LRRC27: variants seen among roughly 807,000 people sequenced by gnomAD.
The protein encoded by LRRC27 is leucine rich repeat containing 27, also known as leucine-rich repeat-containing protein 27.
In LRRC27, 57 loss-of-function variants were observed where a neutral mutation model predicts 55.0. The observed-to-expected ratio is 1.04, with a 90% CI of 0.84 to 1.29. LRRC27 has a LOEUF of 1.29. Ranked by LOEUF, LRRC27 falls within the 50% of genes most tolerant of loss-of-function variation. LRRC27 has a pLI of 0.00. For missense variants in LRRC27, 721 were observed against 651.5 expected, an observed-to-expected ratio of 1.11 and a Z score of -1.16; for synonymous variants, 278 against 251.9, an observed-to-expected ratio of 1.10 and a Z score of -0.98.
intron 2 of LRRC27, among the ~76,000 whole-genome samples, chr10:132,334,119 A>C (rs1470454841): frequency 6.6e-6 from 1 of 152,240 alleles, no homozygotes; most frequent in African/African-American, 2.4e-5. Context: ...CTCATGTTAC[A>C]CACTGGTTTT....
intron 8 of LRRC27, among the ~76,000 whole-genome samples, chr10:132,358,354 GTGGAGCAGCGTGGGGAGGAGCCGAGGTGA>G (rs1590690472): frequency 6.5e-5 from 7 of 106,912 alleles, no homozygotes; most frequent in African/African-American, 1.3e-4. Context: ...AGCCGAGGTG[GTGGAGCAGCGTGGGGAGGAGCCGAGGTGA>G]TGGAGCAGCG....
At position 132,348,925 on chromosome 10, in the gene LRRC27, GT is replaced by G. The variant is rs1187588851; in HGVS notation, c.926+572del. 1 of 1,499,418 alleles carries G rather than the reference GT, an allele frequency of 6.7e-7. No individual in the cohort carries two copies. The highest frequency in any genetic ancestry group is 9.1e-7 in the Non-Finnish European group (1 of 1,096,404). The allele number at this position is 1,499,418 out of a possible 1,614,324, so 92.9% of individuals were successfully genotyped here. On this transcript the variant is annotated intron_variant, in intron 6 of 10. Transcript: ENST00000368614. The surrounding 1 kb of genome is among the most constrained non-coding windows in gnomAD (Gnocchi z 4.2). Reference sequence around the variant, plus strand: ...CTTGCCTTTGCCTTTGGTACAGTGAGTTTGGGGGCCGAGATTTTATTTTCCT... The same window carrying G: ...CTTGCCTTTGCCTTTGGTACAGTGAGTTGGGGGCCGAGATTTTATTTTCCT...
chr10:132,349,159 A>G, intron 6 of LRRC27: 1 of 820,712 alleles, frequency 1.2e-6, no homozygotes, highest in South Asian at 1.6e-5. Flanking sequence ...CAATTGGTGA[A>G]TCTAGATCAT....
At position 132,361,589 on chromosome 10, in the gene LRRC27, A is replaced by G. The variant is rs776688466; in HGVS notation, c.1289+14A>G. 25 of 1,579,202 alleles carry G rather than the reference A, an allele frequency of 1.6e-5. No homozygotes were observed. The highest frequency in any genetic ancestry group is 5.0e-5 in the Admixed American group (3 of 59,902). On this transcript the variant is annotated intron_variant, in intron 9 of 10. Coordinates refer to ENST00000368614, the MANE Select transcript of LRRC27 (RefSeq NM_030626.3). ...TAAAGAAATGAGGTTGGTAACTGCA[A>G]CTGGCACTCAGTCCTTCCAGGGCTC...
chr10:132,360,994 C>G (rs1395134670), intron 8 of LRRC27, among the ~76,000 whole-genome samples: 1 of 152,194 alleles, frequency 6.6e-6, no homozygotes, highest in East Asian at 1.9e-4. Flanking sequence ...CTAGCCTCCT[C>G]CTGCCTAGGT....
rs375143983 is a variant in LRRC27, at chr10:132,364,342, A to G, written c.1290-1082A>G. On this transcript the variant is annotated intron_variant, in intron 9 of 10. Coordinates refer to ENST00000368614, the MANE Select transcript of LRRC27 (RefSeq NM_030626.3). ...ACACCACACCCATGACCACACCCAC[A>G]CTTAATCTACCTCCACACCCGCGCT... Among the ~76,000 whole-genome samples, 118 of 24,204 alleles carry G rather than the reference A, an allele frequency of 4.9e-3. 15 individuals carry two copies. The highest frequency in any genetic ancestry group is 0.015 in the Middle Eastern group (1 of 66). The allele number at this position is 24,204 out of a possible 152,430, so 15.9% of individuals were successfully genotyped here. A position where few individuals can be genotyped will look rare whatever the true frequency, so the allele number is the denominator to read the frequency against.
chr10:132,343,325 A>T (rs1471735582), intron 4 of LRRC27, among the ~76,000 whole-genome samples: 1 of 152,124 alleles, frequency 6.6e-6, no homozygotes, highest in Admixed American at 6.6e-5. Context: ...TAAAAACAAA[A>T]CAACAACAAC....
At chr10:132,347,944 C>T (rs763267056) in intron 5 of LRRC27, 40 bp from the exon 6 acceptor site, 33 of 1,543,832 alleles carry the variant, frequency 2.1e-5, no homozygotes, top group Non-Finnish European at 2.7e-5. Flanking sequence ...AGAGGGATGG[C>T]GTTGATGGTA....
At chr10:132,333,227 C>T (rs1465775443) in intron 1 of LRRC27, among the ~76,000 whole-genome samples, 2 of 152,080 alleles carry the variant, frequency 1.3e-5, no homozygotes, top group East Asian at 3.8e-4. Context: ...TACTATTGTG[C>T]GCCTTTGCGT....
chr10:132,355,235 C>A (rs1200605350), intron 7 of LRRC27, among the ~76,000 whole-genome samples: 1 of 152,152 alleles, frequency 6.6e-6, no homozygotes, highest in African/African-American at 2.4e-5. Context: ...ACCACTACAC[C>A]CGGCTAATTT....
upstream of LRRC27, among the ~76,000 whole-genome samples, chr10:132,331,061 C>G (rs1044338282): frequency 6.6e-6 from 1 of 151,034 alleles, no homozygotes; most frequent in Non-Finnish European, 1.5e-5. Context: ...ATTAGCTGGA[C>G]GTGGTGGCGC....
intron 2 of LRRC27, among the ~76,000 whole-genome samples, chr10:132,335,981 T>C (rs1262638105): frequency 6.6e-6 from 1 of 152,226 alleles, no homozygotes; most frequent in African/African-American, 2.4e-5. Flanking sequence ...AGTAGGGGCC[T>C]AGTACATCCT....
intron 10 of LRRC27, among the ~76,000 whole-genome samples, chr10:132,373,629 TAG>T (rs1428231453): frequency 2.0e-5 from 3 of 152,186 alleles, no homozygotes; most frequent in South Asian, 2.1e-4. Context: ...GCTTCCCATC[TAG>T]AGAGTCTTTC....
chr10:132,364,325 C>A (rs1398114431), intron 9 of LRRC27, among the ~76,000 whole-genome samples: 2 of 128,044 alleles, frequency 1.6e-5, no homozygotes, highest in East Asian at 2.3e-4. Flanking sequence ...CCACACCACA[C>A]CCATGACCAC....
Position 132,333,668 on chromosome 10 carries a change from G to T in LRRC27, c.144G>T (p.Pro48=). 1 of 1,613,646 alleles carries T rather than the reference G, an allele frequency of 6.2e-7. No homozygotes were observed. Residue 48 remains proline, a synonymous_variant, in exon 2 of 11, where the codon CCG becomes CCT. Coordinates refer to ENST00000368614, the MANE Select transcript of LRRC27 (RefSeq NM_030626.3). ...GAGGCATCATCTTTTCCTCCTCACC[G>T]ATTTTAGACTTGAGTGAAAGTGGTC... is the stretch of plus-strand genomic sequence containing the variant. ...GVGGIIFSSS[P]ILDLSESGLC... is the part of the protein sequence containing the mutation.
At chr10:132,331,861 C>A, upstream of LRRC27, 7 of 1,380,500 alleles carry the variant, frequency 5.1e-6, no homozygotes, top group Admixed American at 2.1e-5. Context: ...CTACCGTTGG[C>A]CGCGTGCGTG....
chr10:132,351,771 G>T lies in LRRC27; in HGVS notation c.1073+18G>T. The T allele has an allele frequency of 6.2e-7, 1 of 1,603,948 alleles. No homozygotes were observed. The highest frequency in any genetic ancestry group is 1.1e-5 in the South Asian group (1 of 90,596). ...CAGAGACGGTGAGTCCACACAGGGT[G>T]GGGGTCCGCACAGCCCGCCCAGTGC... On this transcript the variant is annotated intron_variant, in intron 7 of 10. Coordinates refer to ENST00000368614, the MANE Select transcript of LRRC27 (RefSeq NM_030626.3).
intron 10 of LRRC27, 30 bp downstream of exon 10, chr10:132,365,580 G>A (rs2069038332): frequency 6.2e-7 from 1 of 1,604,900 alleles, no homozygotes. Flanking sequence ...GTTTAAAAAA[G>A]TGTGGGGTGT....
intron 3 of LRRC27, among the ~76,000 whole-genome samples, 200 bp from the exon 4 acceptor site, chr10:132,342,013 C>T (rs1239843828): frequency 6.6e-6 from 1 of 152,170 alleles, no homozygotes; most frequent in Non-Finnish European, 1.5e-5. Flanking sequence ...TGCCTGGTCC[C>T]ATGTGTCAGC....
Sources: allele counts gnomAD v4.1 joint callset (sites outside exome capture counted in the v4.1 genomes callset), GRCh38; gene constraint gnomAD v4.1.1; non-coding constraint Gnocchi (gnomAD v3.1); transcripts MANE v1.5; gene names NCBI Gene and HGNC (gene_info 2026-07-23, HGNC 2026-07-21).